Variants in MTMR9 observed in about 807,000 individuals in gnomAD.
The protein encoded by MTMR9 is myotubularin-related protein 9.
Under a neutral mutation model 69.5 loss-of-function variants are expected in MTMR9, and 39 were observed. The observed-to-expected ratio is 0.56, with a 90% CI of 0.43 to 0.73. MTMR9 has a LOEUF of 0.73. Among genes scored for constraint, MTMR9 ranks in the 30% least tolerant of loss-of-function variants. The pLI is 0.00. For synonymous variants in MTMR9, 354 were observed against 240.8 expected (o/e 1.47, Z -4.35); for missense variants, 900 against 671.2 (o/e 1.34, Z -3.77).
chr8:11,290,895 A>G (rs1265252648), intron 1 of MTMR9, among the ~76,000 whole-genome samples: 1 of 141,194 alleles, frequency 7.1e-6, no homozygotes, highest in Non-Finnish European at 1.5e-5. Context: ...GTTGACAACT[A>G]TGTTTCGACC....
intron 6 of MTMR9, among the ~76,000 whole-genome samples, chr8:11,310,231 A>G (rs1800142246): frequency 6.6e-6 from 1 of 152,228 alleles, no homozygotes; most frequent in Non-Finnish European, 1.5e-5. Context: ...TTTAGTTCAT[A>G]TAGTTAATTC....
Position 11,325,913 on chromosome 8 carries a change from G to C in MTMR9, c.*3125G>C, listed in dbSNP as rs1056520605. On this transcript the variant is annotated 3_prime_UTR_variant, in exon 10 of 10. Transcript: ENST00000221086. ...TAAAGTGATTTTTGAGAAGACTTGG[G>C]GGGGACAATAATAGACATTCATGTC... 2 of 152,082 alleles carry C rather than the reference G, an allele frequency of 1.3e-5. No homozygotes were observed. The highest frequency in any genetic ancestry group is 1.9e-4 in the East Asian group (1 of 5,192). The allele number at this position is 152,082 out of a possible 1,614,324, so 9.4% of individuals were successfully genotyped here.
At chr8:11,298,950 A>G (rs1799656191) in intron 2 of MTMR9, 3 of 845,354 alleles carry the variant, frequency 3.5e-6, no homozygotes, top group Non-Finnish European at 2.8e-6. Context: ...TGAAAATATG[A>G]TGATACATGA....
At chr8:11,332,607 C>T (rs139591793), downstream of MTMR9, among the ~76,000 whole-genome samples, 26 of 148,916 alleles carry the variant, frequency 1.7e-4, no homozygotes, top group African/African-American at 6.4e-4. Context: ...TTGTTTTTTG[C>T]TTTTTTTTTT....
In MTMR9 at chr8:11,325,093, T is replaced by G. The variant is rs1473774298; in HGVS notation, c.*2305T>G. On this transcript the variant is annotated 3_prime_UTR_variant, in exon 10 of 10. Coordinates refer to ENST00000221086, the MANE Select transcript of MTMR9 (RefSeq NM_015458.4). ...ACTGAGACAACAATCTATACTGTTTTGGCAAGTTTGCATTTTAGTATTAAT... is the reference window on the plus strand; with the variant it reads ...ACTGAGACAACAATCTATACTGTTTGGGCAAGTTTGCATTTTAGTATTAAT... 6.6e-6 allele frequency: 1 copy of G among 152,256 alleles called. No individual in the cohort carries two copies. Among genetic ancestry groups the G allele is most frequent in the African/African-American group, 2.4e-5 (1 of 41,468 alleles). 9.4% of individuals were successfully genotyped at this position (152,256 alleles called of 1,614,324 possible). A position where few individuals can be genotyped will look rare whatever the true frequency, so the allele number is the denominator to read the frequency against.
chr8:11,331,882 A>G (rs749535771), downstream of MTMR9: 2 of 1,611,818 alleles, frequency 1.2e-6, no homozygotes. Context: ...GTGGGGGCAG[A>G]GGGGATCCTC....
At chr8:11,298,694 T>A in intron 2 of MTMR9, 1 of 888,844 alleles carries the variant, frequency 1.1e-6, no homozygotes, top group Non-Finnish European at 1.3e-6. Context: ...ATTATGCTAA[T>A]TGATATGGTA....
chr8:11,332,429 T>G (rs995857347), downstream of MTMR9, among the ~76,000 whole-genome samples: 2 of 151,818 alleles, frequency 1.3e-5, no homozygotes, highest in African/African-American at 4.8e-5. Flanking sequence ...TGCACAAGAG[T>G]TAAAAGACAA....
intron 3 of MTMR9, among the ~76,000 whole-genome samples, chr8:11,303,425 T>G (rs1389224483): frequency 6.6e-6 from 1 of 152,010 alleles, no homozygotes; most frequent in African/African-American, 2.4e-5. Flanking sequence ...CTAAAAATGT[T>G]GAAAATGATT....
intron 1 of MTMR9, among the ~76,000 whole-genome samples, chr8:11,294,604 C>G (rs910633995): frequency 6.7e-6 from 1 of 149,866 alleles, no homozygotes; most frequent in African/African-American, 2.5e-5. Context: ...CGGGTTCAAG[C>G]GATTCTCTTG....
chr8:11,321,366 G>A (rs1204587269), intron 9 of MTMR9: 5 of 455,872 alleles, frequency 1.1e-5, no homozygotes, highest in South Asian at 4.6e-5. Context: ...TCCTGTTTAG[G>A]ACTTCTGGGA....
At chr8:11,314,879 G>T in intron 6 of MTMR9, 44 bp from the exon 7 acceptor site, 1 of 1,597,292 alleles carries the variant, frequency 6.3e-7, no homozygotes, top group Non-Finnish European at 8.6e-7. Flanking sequence ...CATTGACCAT[G>T]TTGGACATTT....
chr8:11,290,295 T>C (rs1799335841), intron 1 of MTMR9, among the ~76,000 whole-genome samples: 1 of 152,218 alleles, frequency 6.6e-6, no homozygotes, highest in African/African-American at 2.4e-5. Flanking sequence ...GTGGTCTACT[T>C]TTAAACATTG....
At chr8:11,305,097 G>T (rs1799890670) in intron 4 of MTMR9, 83 bp downstream of exon 4, 3 of 1,326,580 alleles carry the variant, frequency 2.3e-6, no homozygotes, top group Non-Finnish European at 3.1e-6. Flanking sequence ...TTTGCTCTCT[G>T]TCTGTTCACT....
At chr8:11,301,385 C>T (rs913133591) in intron 3 of MTMR9, among the ~76,000 whole-genome samples, 3 of 152,162 alleles carry the variant, frequency 2.0e-5, no homozygotes, top group Middle Eastern at 3.4e-3. Flanking sequence ...ACAAAAGTAC[C>T]AATACAATTC....
At chr8:11,290,910 T>C (rs1293660701) in intron 1 of MTMR9, among the ~76,000 whole-genome samples, 2 of 151,800 alleles carry the variant, frequency 1.3e-5, no homozygotes, top group Admixed American at 1.3e-4. Flanking sequence ...TCGACCTTTA[T>C]GTTTCCATGC....
At chr8:11,305,710 G>C (rs1799913870) in intron 4 of MTMR9, among the ~76,000 whole-genome samples, 1 of 152,236 alleles carries the variant, frequency 6.6e-6, no homozygotes, top group African/African-American at 2.4e-5. Flanking sequence ...TAGACAGTCA[G>C]CTTCTGAGGT....
chr8:11,338,873 C>T, the MTMR9 span, among the ~76,000 whole-genome samples: 3 of 152,160 alleles, frequency 2.0e-5, no homozygotes, highest in Non-Finnish European at 4.4e-5. Context: ...CAAAGAGACA[C>T]GTGGTCATTT....
the MTMR9 span, among the ~76,000 whole-genome samples, chr8:11,335,305 TATC>T: frequency 2.5e-4 from 38 of 152,344 alleles, no homozygotes; most frequent in South Asian, 1.9e-3. Flanking sequence ...CATTTAAAAA[TATC>T]ATTTACATTA....
Sources: gnomAD v4.1 joint callset for allele counts (sites outside exome capture counted in the v4.1 genomes callset) on GRCh38, gnomAD v4.1.1 for gene constraint, MANE v1.5 for transcripts, NCBI Gene and HGNC (gene_info 2026-07-23, HGNC 2026-07-21) for gene names.